Variants in SGCD observed in about 807,000 individuals in gnomAD.
SGCD encodes sarcoglycan delta.
Under a neutral mutation model 36.6 loss-of-function variants are expected in SGCD, and 18 were observed. The ratio of observed to expected loss-of-function variants is 0.49; its 90% CI spans 0.34 to 0.73. The LOEUF (loss-of-function observed/expected upper bound fraction) is 0.73. Among genes scored for constraint, SGCD ranks in the 30% least tolerant of loss-of-function variants. The pLI is 0.01. For missense variants in SGCD, 387 were observed against 346.7 expected, an observed-to-expected ratio of 1.12 and a Z score of -0.92; for synonymous variants, 133 against 130.6, an observed-to-expected ratio of 1.02 and a Z score of -0.12.
intron 3 of SGCD, among the ~76,000 whole-genome samples, chr5:156,238,351 C>CG (rs1561579002): frequency 6.6e-6 from 1 of 152,110 alleles, no homozygotes; most frequent in African/African-American, 2.4e-5. Flanking sequence ...TGGTATAGAG[C>CG]GGGGATCCCT....
chr5:156,423,326 T>TGTA lies in SGCD; in HGVS notation c.192+78649_192+78650insGTA, dbSNP rs1561685662. 2.2e-4 allele frequency among the ~76,000 whole-genome samples: 14 copies of TGTA among 64,322 alleles called. No homozygotes were observed. The South Asian group carries it at 7.7e-3, about 36-fold the overall frequency. The allele number at this position is 64,322 out of a possible 152,430, so 42.2% of individuals were successfully genotyped here. ...TATATTTTATTATAATATAATATAT[T>TGTA]TTATTATAATATAATATATTATAAT... On this transcript the variant is annotated intron_variant, in intron 3 of 8. Transcript: ENST00000337851.
intron 1 of SGCD, among the ~76,000 whole-genome samples, chr5:156,094,681 G>A (rs763718045): frequency 2.5e-4 from 38 of 152,244 alleles, no homozygotes; most frequent in Admixed American, 7.8e-4. Context: ...TGTACCCCAA[G>A]GGGCTTCTGG....
chr5:156,300,006 T>A (rs1767010841), intron 3 of SGCD, among the ~76,000 whole-genome samples: 1 of 152,120 alleles, frequency 6.6e-6, no homozygotes, highest in South Asian at 2.1e-4. Flanking sequence ...CCTTGTCATG[T>A]TCCTGATCTC....
At chr5:155,770,322 A>G in the SGCD span, among the ~76,000 whole-genome samples, 1 of 146,360 alleles carries the variant, frequency 6.8e-6, no homozygotes, top group Non-Finnish European at 1.5e-5. Flanking sequence ...GTGACATTTA[A>G]TTTGGACTTG....
exon 1 of SGCD, chr5:155,870,423 A>C (rs933994372): frequency 6.6e-6 from 1 of 152,200 alleles, no homozygotes; most frequent in Admixed American, 6.5e-5. Context: ...ATGAATTAGC[A>C]GGTAACTCTC....
chr5:155,881,042 T>C (rs1394886762), intron 1 of SGCD, among the ~76,000 whole-genome samples: 1 of 152,096 alleles, frequency 6.6e-6, no homozygotes, highest in African/African-American at 2.4e-5. Flanking sequence ...AAACAGGCTT[T>C]GGAGGTCACT....
intron 1 of SGCD, among the ~76,000 whole-genome samples, chr5:155,955,809 G>A (rs1376340967): frequency 1.3e-5 from 2 of 152,086 alleles, no homozygotes; most frequent in African/African-American, 4.8e-5. Flanking sequence ...ACTAATAGTT[G>A]CCTCTTAATG....
rs554035064 is a variant in SGCD, at chr5:156,342,599, T to C, written c.4-1890T>C. On this transcript the variant is annotated intron_variant, in intron 2 of 8. Transcript: ENST00000337851. Reference sequence around the variant, plus strand: ...TCTTCATGTTTAAAAAGGCCAGTGATTGATGACTTTGTTGTGTTCCCGTCT... The same window carrying C: ...TCTTCATGTTTAAAAAGGCCAGTGACTGATGACTTTGTTGTGTTCCCGTCT... Among the ~76,000 whole-genome samples the C allele has an allele frequency of 4.6e-5, 7 of 151,876 alleles. No homozygotes were observed. The East Asian group carries it at 1.3e-3, about 29-fold the overall frequency.
At chr5:156,667,970 A>G (rs1753123624) in intron 7 of SGCD, among the ~76,000 whole-genome samples, 1 of 152,246 alleles carries the variant, frequency 6.6e-6, no homozygotes, top group African/African-American at 2.4e-5. Flanking sequence ...CACATAGGAA[A>G]GGATATTTCA....
intron 1 of SGCD, among the ~76,000 whole-genome samples, chr5:156,054,612 TATCTC>T (rs1371291947): frequency 2.0e-5 from 3 of 146,670 alleles, no homozygotes; most frequent in Non-Finnish European, 4.6e-5. Flanking sequence ...TATATTTAAA[TATCTC>T]AAAACATTTT....
At chr5:156,247,231 G>C (rs1384762800) in intron 3 of SGCD, among the ~76,000 whole-genome samples, 2 of 152,102 alleles carry the variant, frequency 1.3e-5, no homozygotes, top group African/African-American at 2.4e-5. Flanking sequence ...AGGATTCTGC[G>C]GGGGCTTAAT....
At chr5:156,151,894 T>C (rs1015908765) in intron 3 of SGCD, among the ~76,000 whole-genome samples, 2 of 151,410 alleles carry the variant, frequency 1.3e-5, no homozygotes, top group African/African-American at 4.9e-5. Context: ...CCTCTAGTCT[T>C]TCCAGATTGG....
chr5:155,783,251 A>C, the SGCD span, among the ~76,000 whole-genome samples: 2 of 152,332 alleles, frequency 1.3e-5, no homozygotes, highest in South Asian at 4.1e-4. Context: ...TTCATACACT[A>C]TTAAAGCTTG....
intron 3 of SGCD, among the ~76,000 whole-genome samples, chr5:156,227,671 T>C (rs762833453): frequency 2.6e-5 from 4 of 152,096 alleles, no homozygotes; most frequent in Non-Finnish European, 5.9e-5. Flanking sequence ...GGGAATTGCA[T>C]TGAATTTGTA....
At chr5:156,015,797 A>AAC (rs111862726) in intron 1 of SGCD, among the ~76,000 whole-genome samples, 13,227 of 147,418 alleles carry the variant, frequency 0.09, 631 homozygotes, top group Middle Eastern at 0.14. Flanking sequence ...TGAACACACA[A>AAC]ACACACACAC....
intron 3 of SGCD, among the ~76,000 whole-genome samples, chr5:156,276,675 A>G (rs1317949763): frequency 6.6e-6 from 1 of 152,180 alleles, no homozygotes; most frequent in Non-Finnish European, 1.5e-5. Context: ...TATGTACCCC[A>G]TACTGTTCTG....
At chr5:156,681,681 G>A (rs1442917997) in intron 7 of SGCD, among the ~76,000 whole-genome samples, 2 of 152,204 alleles carry the variant, frequency 1.3e-5, no homozygotes, top group African/African-American at 4.8e-5. Context: ...AGGTCTGGAT[G>A]ATAAAGAGTC....
At chr5:155,982,538 CTG>C (rs1224479262) in intron 1 of SGCD, among the ~76,000 whole-genome samples, 16 of 152,170 alleles carry the variant, frequency 1.1e-4, no homozygotes, top group African/African-American at 3.9e-4. Flanking sequence ...GATCTGGACA[CTG>C]TCCCTCGCTG....
chr5:155,827,644 G>A, the SGCD span, among the ~76,000 whole-genome samples: 24 of 150,880 alleles, frequency 1.6e-4, no homozygotes, highest in East Asian at 9.8e-4. Context: ...TCTTTCAGCC[G>A]GGCACATAGC....
Sources: gnomAD v4.1 joint callset for allele counts (sites outside exome capture counted in the v4.1 genomes callset) on GRCh38, gnomAD v4.1.1 for gene constraint, MANE v1.5 for transcripts, NCBI Gene and HGNC (gene_info 2026-07-23, HGNC 2026-07-21) for gene names.